The following FRMPD3 variants were observed in gnomAD, a reference collection of about 807,000 sequenced individuals.
FRMPD3 encodes the protein FERM and PDZ domain containing 3.
A neutral mutation model predicts 97.9 loss-of-function variants in FRMPD3; 42 were observed. The observed-to-expected ratio is 0.43, with a 90% confidence interval of 0.34 to 0.55. The LOEUF (loss-of-function observed/expected upper bound fraction) is 0.55, where lower values mean the gene tolerates loss of function less well. Ranked by LOEUF, FRMPD3 falls within the 20% of genes least tolerant of loss-of-function variation. FRMPD3 has a pLI of 0.03. For missense variants in FRMPD3, 1,303 were observed against 1,457.7 expected, an observed-to-expected ratio of 0.89 and a Z score of 1.73; for synonymous variants, 577 against 581.1, an observed-to-expected ratio of 0.99 and a Z score of 0.10.
chrX:107,551,810 C>A (rs981483003), intron 6 of FRMPD3, among the ~76,000 whole-genome samples: 2 of 112,663 alleles, frequency 1.8e-5, no homozygotes, highest in African/African-American at 6.4e-5. Flanking sequence ...AGAGCTCCAG[C>A]AACACTGGCG....
chrX:107,552,575 T>G (rs1308704263), intron 6 of FRMPD3, among the ~76,000 whole-genome samples: 1 of 112,140 alleles, frequency 8.9e-6, no homozygotes, highest in African/African-American at 3.2e-5. Flanking sequence ...TCTAACCCCC[T>G]GCACCTCTCC....
At chrX:107,539,855 C>T (rs1921209895) in intron 4 of FRMPD3, among the ~76,000 whole-genome samples, 1 of 111,141 alleles carries the variant, frequency 9.0e-6, no homozygotes, top group African/African-American at 3.3e-5. Context: ...TGTGGATTAA[C>T]AGGAGTACTA....
At chrX:107,533,177 T>G (rs889530480) in intron 3 of FRMPD3, among the ~76,000 whole-genome samples, 2 of 112,304 alleles carry the variant, frequency 1.8e-5, no homozygotes, top group African/African-American at 6.5e-5. Flanking sequence ...CTTGAGAATT[T>G]TGTAGTCTAC....
intron 1 of FRMPD3, among the ~76,000 whole-genome samples, chrX:107,499,217 G>A (rs1053454841): frequency 5.4e-5 from 6 of 112,065 alleles, no homozygotes; most frequent in East Asian, 2.8e-4. Context: ...ATAGGGTTTC[G>A]CAGATAAGGT....
chrX:107,603,085 C>T lies in FRMPD3; in HGVS notation c.5046C>T (p.Ser1682=), dbSNP rs377611123. Residue 1682 remains serine, a synonymous_variant, in exon 15 of 15, where the codon TCC becomes TCT. Transcript: ENST00000683843. ...TGCGGCTGGTGTTCATTGTGCGCTC[C>T]GAGGCCCAGCGCCAAGAGCTGCTGG... is the stretch of plus-strand genomic sequence containing the variant. ...TFVRLVFIVR[S]EAQRQELLAK... 48 of 1,208,979 alleles carry T rather than the reference C, an allele frequency of 4.0e-5. No individual in the cohort carries two copies. The highest frequency in any genetic ancestry group is 2.3e-4 in the Middle Eastern group (1 of 4,372).
chrX:107,480,959 A>G (rs1317493358), intron 1 of FRMPD3, among the ~76,000 whole-genome samples: 2 of 109,931 alleles, frequency 1.8e-5, no homozygotes, highest in Non-Finnish European at 1.9e-5. Flanking sequence ...AAAGAAAGAA[A>G]GAAACAGACA....
At position 107,560,337 on chromosome X, in the gene FRMPD3, C is replaced by T. The variant is rs534181777; in HGVS notation, c.843C>T (p.Ile281=). 6.6e-6 allele frequency: 8 copies of T among 1,206,725 alleles called. No homozygotes were observed. The highest frequency in any genetic ancestry group is 3.5e-5 in the African/African-American group (2 of 56,574). ...EMLLGLAALH[I]YITVSATRPS... ...TTTTGGGCCTTGCTGCGCTCCACAT[C>T]TATATCACTGTCTCAGCCACTCGAC... Residue 281 remains isoleucine, a synonymous_variant, in exon 9 of 15, where the codon ATC becomes ATT. Transcript: ENST00000683843.
At chrX:107,521,404 A>G (rs1922504158) in intron 1 of FRMPD3, among the ~76,000 whole-genome samples, 1 of 112,292 alleles carries the variant, frequency 8.9e-6, no homozygotes, top group African/African-American at 3.2e-5. Context: ...AGAGTCTCAG[A>G]CTTTGCTCCA....
intron 13 of FRMPD3, among the ~76,000 whole-genome samples, chrX:107,581,645 G>T (rs181950915): frequency 9.0e-6 from 1 of 111,007 alleles, no homozygotes; most frequent in African/African-American, 3.3e-5. Context: ...ACCCATTAGC[G>T]GTCACTCCCT....
chrX:107,525,232 G>A (rs1252084507), intron 1 of FRMPD3, among the ~76,000 whole-genome samples: 1 of 111,456 alleles, frequency 9.0e-6, no homozygotes, highest in Non-Finnish European at 1.9e-5. Context: ...TGCCAGATGA[G>A]TGAGCTAAGG....
At chrX:107,530,541 C>T in intron 3 of FRMPD3, 30 bp downstream of exon 3, 2 of 1,010,770 alleles carry the variant, frequency 2.0e-6, no homozygotes, top group Non-Finnish European at 2.7e-6. Context: ...AGGAACTGAT[C>T]AGTATCCCCA....
At chrX:107,507,366 G>T (rs1922059451) in intron 1 of FRMPD3, among the ~76,000 whole-genome samples, 2 of 110,995 alleles carry the variant, frequency 1.8e-5, no homozygotes, top group African/African-American at 6.6e-5. Context: ...GTTTTCCGCT[G>T]CGGGGTGCGG....
chrX:107,537,661 A>G (rs892821457), intron 4 of FRMPD3, among the ~76,000 whole-genome samples: 2 of 111,667 alleles, frequency 1.8e-5, no homozygotes, highest in African/African-American at 3.3e-5. Context: ...TCCAGGAAGC[A>G]TAGGGCAGTG....
chrX:107,561,283 G>A (rs1423203071), intron 10 of FRMPD3, among the ~76,000 whole-genome samples: 1 of 111,653 alleles, frequency 9.0e-6, no homozygotes, highest in East Asian at 2.8e-4. Flanking sequence ...AAGATCACTT[G>A]AGCCCAGGAG....
chrX:107,469,601 A>G (rs1282696598), intron 1 of FRMPD3, among the ~76,000 whole-genome samples: 3 of 112,459 alleles, frequency 2.7e-5, no homozygotes, highest in South Asian at 3.7e-4. Flanking sequence ...TGCCCAACAC[A>G]TGTGGACTTC....
intron 1 of FRMPD3, among the ~76,000 whole-genome samples, chrX:107,484,581 G>T (rs747422459): frequency 1.1e-4 from 12 of 112,224 alleles, no homozygotes; most frequent in Admixed American, 1.9e-4. Context: ...GTCATCGCTG[G>T]CTCCAGCTGG....
chrX:107,604,162 C>A lies in FRMPD3; in HGVS notation c.*789C>A, dbSNP rs752223536. ...GAGACCCAGTGCAGGCCTAGGAGCC[C>A]GCCTAGCCCGGCCCAGCCCAGCTCA... On this transcript the variant is annotated 3_prime_UTR_variant, in exon 15 of 15. Transcript: ENST00000683843. 9.3e-6 allele frequency: 1 copy of A among 107,202 alleles called. No homozygotes were observed. Among genetic ancestry groups the A allele is most frequent in the Non-Finnish European group, 1.9e-5 (1 of 51,779 alleles). The allele number at this position is 107,202 out of a possible 1,213,427, so 8.8% of individuals were successfully genotyped here. A position where few individuals can be genotyped will look rare whatever the true frequency, so the allele number is the denominator to read the frequency against.
intron 13 of FRMPD3, among the ~76,000 whole-genome samples, chrX:107,578,099 C>T (rs1393743581): frequency 8.9e-6 from 1 of 111,794 alleles, no homozygotes; most frequent in Admixed American, 9.5e-5. Context: ...TCTCTCTAAT[C>T]ACATCCAAGT....
At position 107,602,724 on chromosome X, in the gene FRMPD3, A is replaced by C; in HGVS notation, c.4685A>C (p.Glu1562Ala). 6.6e-6 allele frequency: 8 copies of C among 1,209,165 alleles called. No individual in the cohort carries two copies. Among genetic ancestry groups the C allele is most frequent in the Non-Finnish European group, 8.9e-6 (8 of 895,016 alleles). Residue 1562 changes from glutamate (E) to alanine (A), a missense_variant, in exon 15 of 15, where the codon GAG (glutamate) becomes GCG (alanine). Physicochemically the swap from Glu to Ala is moderately radical, Grantham distance 107. Around this residue, in one of 3 missense-constraint regions of FRMPD3, gnomAD observed 764 missense variants for 820.2 expected, o/e 0.93. Transcript: ENST00000683843. ...SSSPEASRTQ[E>A]IDLRVSTFEG... ...AGCCCTGAGGCCTCCCGCACTCAGG[A>C]GATTGACCTCCGTGTGTCCACCTTC...
Sources: gnomAD v4.1 joint callset for allele counts (sites outside exome capture counted in the v4.1 genomes callset) on GRCh38, gnomAD v4.1.1 for gene constraint, gnomAD v4.1.1 regional missense constraint, MANE v1.5 for transcripts, NCBI Gene and HGNC (gene_info 2026-07-23, HGNC 2026-07-21) for gene names.